The following GAS7 variants were observed in gnomAD, a reference collection of about 807,000 sequenced individuals.
The protein encoded by GAS7 is growth arrest-specific protein 7.
Under a neutral mutation model 71.1 loss-of-function variants are expected in GAS7, and 28 were observed. The ratio of observed to expected loss-of-function variants is 0.39; its 90% CI spans 0.29 to 0.54. GAS7 has a LOEUF of 0.54. Among genes scored for constraint, GAS7 ranks in the 20% least tolerant of loss-of-function variants. GAS7 has a pLI of 0.62. For missense variants in GAS7, 436 were observed against 627.8 expected, an observed-to-expected ratio of 0.69 and a Z score of 3.27; for synonymous variants, 258 against 245.8, an observed-to-expected ratio of 1.05 and a Z score of -0.46.
chr17:10,085,247 C>A (rs2073504518), intron 1 of GAS7, among the ~76,000 whole-genome samples: 2 of 152,166 alleles, frequency 1.3e-5, no homozygotes, highest in African/African-American at 2.4e-5. Flanking sequence ...ATCACCCAAC[C>A]AGCCCAAGGG....
chr17:10,101,859 C>G (rs1270994044), intron 1 of GAS7, among the ~76,000 whole-genome samples: 1 of 152,172 alleles, frequency 6.6e-6, no homozygotes, highest in Non-Finnish European at 1.5e-5. Context: ...TTTTCACGCT[C>G]TTTGTGCTTC....
At position 9,912,743 on chromosome 17, in the gene GAS7, C is replaced by T. The variant is rs1160149532; in HGVS notation, c.*4485G>A. The stretch of plus-strand genomic sequence containing the variant: ...GCATTTGGAGGAGGAGCCTGGGGAA[C>T]TGAAGGAAGCAGCAAGCTGGAAGTG... On this transcript the variant is annotated 3_prime_UTR_variant, in exon 14 of 14. Coordinates refer to ENST00000432992, the MANE Select transcript of GAS7 (RefSeq NM_201433.2). 4.7e-5 allele frequency: 11 copies of T among 232,678 alleles called. No individual in the cohort carries two copies. Among genetic ancestry groups the T allele is most frequent in the Non-Finnish European group, 9.3e-5 (11 of 117,760 alleles). The allele number at this position is 232,678 out of a possible 1,614,324, so 14.4% of individuals were successfully genotyped here.
intron 1 of GAS7, among the ~76,000 whole-genome samples, chr17:10,141,372 C>T (rs952835100): frequency 6.6e-6 from 1 of 151,926 alleles, no homozygotes; most frequent in Non-Finnish European, 1.5e-5. Flanking sequence ...GGTGTGAACC[C>T]GGGAGACGGA....
chr17:9,947,710 C>G (rs1417875240), intron 5 of GAS7, among the ~76,000 whole-genome samples: 1 of 150,978 alleles, frequency 6.6e-6, no homozygotes, highest in Non-Finnish European at 1.5e-5. Context: ...CACCATTGCT[C>G]TCCAGCCTTG....
intron 1 of GAS7, among the ~76,000 whole-genome samples, chr17:10,185,106 A>C (rs1301226458): frequency 6.6e-6 from 1 of 151,974 alleles, no homozygotes; most frequent in Non-Finnish European, 1.5e-5. Context: ...GTGTATTTTT[A>C]GTAGAGACGG....
intron 1 of GAS7, among the ~76,000 whole-genome samples, chr17:10,091,339 A>C (rs925161938): frequency 1.3e-5 from 2 of 152,126 alleles, no homozygotes; most frequent in African/African-American, 4.8e-5. Context: ...CAACATTGTG[A>C]ATGTACCAAA....
rs565805004 is a variant in GAS7, at chr17:10,105,969, A to G, written c.184-86072T>C. 2.0e-3 allele frequency among the ~76,000 whole-genome samples: 298 copies of G among 151,776 alleles called. 1 individual carries two copies. Among genetic ancestry groups the G allele is most frequent in the Non-Finnish European group, 3.8e-3 (256 of 67,890 alleles). On this transcript the variant is annotated intron_variant, in intron 1 of 13. Transcript: ENST00000432992. ...TCCTCTCGAGTCTCTCACAACCATCACCTTCTCATCATTATCCCTGCCACC... is the reference window on the plus strand; with the variant it reads ...TCCTCTCGAGTCTCTCACAACCATCGCCTTCTCATCATTATCCCTGCCACC...
At chr17:10,169,549 G>A (rs2074320080) in intron 1 of GAS7, among the ~76,000 whole-genome samples, 1 of 152,154 alleles carries the variant, frequency 6.6e-6, no homozygotes, top group South Asian at 2.1e-4. Flanking sequence ...TGCAGATAAG[G>A]TCAATGTCCC....
chr17:9,986,019 G>T (rs2070634040), intron 2 of GAS7, among the ~76,000 whole-genome samples: 1 of 152,212 alleles, frequency 6.6e-6, no homozygotes, highest in Admixed American at 6.5e-5. Flanking sequence ...TCAGCACTTT[G>T]TCCATCCCTC....
At chr17:10,022,747 GGCGATAC>G (rs1247089146) in intron 1 of GAS7, among the ~76,000 whole-genome samples, 2 of 152,318 alleles carry the variant, frequency 1.3e-5, no homozygotes, top group East Asian at 3.9e-4. Context: ...GTCCGTCTAC[GGCGATAC>G]GGACCTCCAC....
chr17:10,077,370 C>T (rs907504875), intron 1 of GAS7, among the ~76,000 whole-genome samples: 18 of 152,158 alleles, frequency 1.2e-4, no homozygotes, highest in African/African-American at 3.9e-4. Flanking sequence ...ATAAATGAGA[C>T]ATGTCAACAT....
intron 1 of GAS7, among the ~76,000 whole-genome samples, chr17:10,046,466 C>T (rs530099384): frequency 6.6e-6 from 1 of 151,702 alleles, no homozygotes; most frequent in Admixed American, 6.5e-5. Flanking sequence ...CCGCTGGGCG[C>T]GGTGGCTCAC....
chr17:10,069,516 A>T (rs1021816004), intron 1 of GAS7, among the ~76,000 whole-genome samples: 3 of 152,250 alleles, frequency 2.0e-5, no homozygotes, highest in African/African-American at 7.2e-5. Context: ...GGCCAAGCAC[A>T]TGACAAGCAT....
intron 1 of GAS7, among the ~76,000 whole-genome samples, chr17:10,186,417 T>C (rs2074454111): frequency 6.6e-6 from 1 of 150,880 alleles, no homozygotes; most frequent in South Asian, 2.1e-4. Flanking sequence ...TTTTTTTTTT[T>C]TGAGACCTAG....
chr17:10,177,880 C>T (rs928280186), intron 1 of GAS7, among the ~76,000 whole-genome samples: 2 of 152,108 alleles, frequency 1.3e-5, no homozygotes, highest in Admixed American at 1.3e-4. Context: ...AGACCAGCCA[C>T]CCAGAGTAAC....
chr17:10,037,869 G>A (rs536799397), intron 1 of GAS7, among the ~76,000 whole-genome samples: 299 of 152,152 alleles, frequency 2.0e-3, no homozygotes, highest in African/African-American at 7.0e-3. Flanking sequence ...GGTCCAAAAA[G>A]AGTCCAGACT....
At chr17:10,132,520 C>T (rs2074004984) in intron 1 of GAS7, among the ~76,000 whole-genome samples, 1 of 152,188 alleles carries the variant, frequency 6.6e-6, no homozygotes, top group Admixed American at 6.5e-5. Context: ...AATCCCAGCA[C>T]TTTGGGAGGC....
At chr17:9,953,961 C>T (rs1456829483) in intron 5 of GAS7, among the ~76,000 whole-genome samples, 4 of 152,158 alleles carry the variant, frequency 2.6e-5, no homozygotes, top group Non-Finnish European at 4.4e-5. Context: ...GTAAATAAGT[C>T]ACTGTAATTC....
rs374215605 is a variant in GAS7 at position 10,026,051 on chromosome 17, G to A, written c.184-6154C>T. The A allele has an allele frequency of 1.9e-5, 8 of 425,396 alleles. No individual in the cohort carries two copies. The highest frequency in any genetic ancestry group is 2.2e-5 in the Non-Finnish European group (7 of 318,200). The allele number at this position is 425,396 out of a possible 1,614,324, so 26.4% of individuals were successfully genotyped here. On this transcript the variant is annotated intron_variant, in intron 1 of 13. Transcript: ENST00000432992. This position sits in a 1 kb window ranked among gnomAD's most constrained non-coding sequence, Gnocchi z 4.5. ...AGACCCTGCTACTCCGCTCCCTACC[G>A]CTCCCACCATGCTTCAAGCTCAAGT... is the stretch of plus-strand genomic sequence containing the variant.
Sources: allele counts gnomAD v4.1 joint callset (sites outside exome capture counted in the v4.1 genomes callset), GRCh38; gene constraint gnomAD v4.1.1; non-coding constraint Gnocchi (gnomAD v3.1); transcripts MANE v1.5; gene names NCBI Gene and HGNC (gene_info 2026-07-23, HGNC 2026-07-21).